The following LNX2 variants were observed in gnomAD, a reference collection of about 807,000 sequenced individuals.
LNX2 encodes the protein ligand of numb-protein X 2.
Under a neutral mutation model 66.2 loss-of-function variants are expected in LNX2, and 35 were observed. The ratio of observed to expected loss-of-function variants is 0.53; its 90% confidence interval spans 0.40 to 0.70. The LOEUF is 0.70. Among genes scored for constraint, LNX2 ranks in the 30% least tolerant of loss-of-function variants. The probability of loss-of-function intolerance (pLI) is 0.00; values close to 1 mark genes in which losing one functional copy is unlikely to be tolerated. For synonymous variants in LNX2, 337 were observed against 315.6 expected, an observed-to-expected ratio of 1.07 and a Z score of -0.72; for missense variants, 791 against 850.8, an observed-to-expected ratio of 0.93 and a Z score of 0.87.
chr13:27,562,180 C>T (rs1955143386), intron 5 of LNX2, among the ~76,000 whole-genome samples: 1 of 152,148 alleles, frequency 6.6e-6, no homozygotes, highest in Non-Finnish European at 1.5e-5. Flanking sequence ...AACAGTAGAG[C>T]CTACGCTCTG....
intron 8 of LNX2, among the ~76,000 whole-genome samples, chr13:27,550,883 G>A (rs1370994883): frequency 6.6e-6 from 1 of 152,186 alleles, no homozygotes; most frequent in Non-Finnish European, 1.5e-5. Context: ...TGGGATGAAA[G>A]AGGTCTAGTA....
intron 2 of LNX2, among the ~76,000 whole-genome samples, chr13:27,580,424 C>T (rs1955384133): frequency 6.6e-6 from 1 of 152,088 alleles, no homozygotes; most frequent in Admixed American, 6.5e-5. Context: ...CATTGTTTTT[C>T]ACAGCAATCG....
At chr13:27,579,907 T>C (rs111417080) in intron 2 of LNX2, among the ~76,000 whole-genome samples, 1 of 152,264 alleles carries the variant, frequency 6.6e-6, no homozygotes, top group African/African-American at 2.4e-5. Context: ...ACAGAAGATA[T>C]AAAAAAATGC....
At chr13:27,618,495 C>A (rs1025359932) in intron 1 of LNX2, among the ~76,000 whole-genome samples, 1 of 150,160 alleles carries the variant, frequency 6.7e-6, no homozygotes, top group Non-Finnish European at 1.5e-5. Flanking sequence ...GGAAGCCCAC[C>A]ATCCTCCAGA....
At chr13:27,617,401 T>C (rs1241743923) in intron 1 of LNX2, among the ~76,000 whole-genome samples, 1 of 152,228 alleles carries the variant, frequency 6.6e-6, no homozygotes, top group African/African-American at 2.4e-5. Flanking sequence ...AAGGTGGGCC[T>C]GTGAACTCTA....
At chr13:27,559,131 A>G (rs1192489171) in intron 6 of LNX2, among the ~76,000 whole-genome samples, 1 of 152,172 alleles carries the variant, frequency 6.6e-6, no homozygotes, top group African/African-American at 2.4e-5. Context: ...AATAATATCA[A>G]GAATGCTAAA....
intron 4 of LNX2, among the ~76,000 whole-genome samples, chr13:27,565,600 A>C (rs369409247): frequency 1.8e-4 from 27 of 152,338 alleles, no homozygotes; most frequent in African/African-American, 6.5e-4. Context: ...CATAAAATGC[A>C]GCTAGGATAA....
chr13:27,620,298 T>G (rs1455697355), intron 1 of LNX2, 77 bp downstream of exon 1: 1 of 152,016 alleles, frequency 6.6e-6, no homozygotes, highest in Non-Finnish European at 1.5e-5. Flanking sequence ...CACACCCAGC[T>G]GACGCCCGCA....
In LNX2 at chr13:27,583,216, G is replaced by T. The variant is rs1191001726; in HGVS notation, c.-100-1413C>A. On this transcript the variant is annotated intron_variant, in intron 1 of 9. Transcript: ENST00000316334. ...TGTGTGTGTGTGTGTGTGTGTGTGT[G>T]TGTGTGTGTGTGTGTGTGTGTGTGT... Among the ~76,000 whole-genome samples, 60 of 17,726 alleles carry T rather than the reference G, an allele frequency of 3.4e-3. 8 individuals carry two copies. The highest frequency in any genetic ancestry group is 0.022 in the African/African-American group (35 of 1,576). The allele number at this position is 17,726 out of a possible 152,430, so 11.6% of individuals were successfully genotyped here. A position where few individuals can be genotyped will look rare whatever the true frequency, so the allele number is the denominator to read the frequency against.
chr13:27,555,632 A>G lies in LNX2; in HGVS notation c.1546+604T>C, dbSNP rs186421880. On this transcript the variant is annotated intron_variant, in intron 7 of 9. Coordinates refer to ENST00000316334, the MANE Select transcript of LNX2 (RefSeq NM_153371.4). ...GCTCTTATATTTAGATCTTGCATCC[A>G]TTATGATTTAATTTGTGTTTATGGT... Among the ~76,000 whole-genome samples the G allele has an allele frequency of 3.3e-5, 5 of 152,366 alleles. No individual in the cohort carries two copies. The East Asian group carries it at 9.6e-4, about 29-fold the overall frequency.
rs773230569 is a variant in LNX2, at chr13:27,567,835, T to C, written c.660A>G (p.Thr220=). 87 of 1,613,762 alleles carry C rather than the reference T, an allele frequency of 5.4e-5. 1 individual carries two copies. In the South Asian group the frequency reaches 8.2e-4, roughly 15 times the overall value. Residue 220 remains threonine, a synonymous_variant, in exon 4 of 10, where the codon ACA becomes ACG. Transcript: ENST00000316334. ...CTTCTGGTAAACTAAGTGGCTGTTG[T>C]GTGGCTGCCAAGTTAAAAATGAGAC... ...AFEESAGADT[T]QQPLSLPEGE...
intron 4 of LNX2, among the ~76,000 whole-genome samples, chr13:27,566,138 G>A (rs1031023292): frequency 7.2e-5 from 11 of 152,174 alleles, no homozygotes; most frequent in Admixed American, 4.6e-4. Flanking sequence ...ACAATTCTCT[G>A]TAACTCATCA....
chr13:27,587,461 C>T (rs1291110846), intron 1 of LNX2, among the ~76,000 whole-genome samples: 2 of 152,178 alleles, frequency 1.3e-5, no homozygotes, highest in Non-Finnish European at 2.9e-5. Context: ...AGATTGTTCT[C>T]AGGCTCATAC....
chr13:27,603,786 T>C (rs1351029260), intron 1 of LNX2, among the ~76,000 whole-genome samples: 2 of 152,144 alleles, frequency 1.3e-5, no homozygotes, highest in Non-Finnish European at 2.9e-5. Flanking sequence ...GACTCCTTAA[T>C]GTCATTGTAG....
intron 2 of LNX2, among the ~76,000 whole-genome samples, chr13:27,572,805 GA>G (rs1593247244): frequency 6.6e-6 from 1 of 152,068 alleles, no homozygotes; most frequent in African/African-American, 2.4e-5. Flanking sequence ...TAGTGCAGTA[GA>G]AACAAAATAA....
chr13:27,579,281 A>G (rs1955373863), intron 2 of LNX2, among the ~76,000 whole-genome samples: 1 of 152,254 alleles, frequency 6.6e-6, no homozygotes, highest in African/African-American at 2.4e-5. Context: ...TTCAAATGGC[A>G]TATAAAAATC....
intron 7 of LNX2, 37 bp downstream of exon 7, chr13:27,556,199 A>T: frequency 6.3e-7 from 1 of 1,583,742 alleles, no homozygotes; most frequent in Non-Finnish European, 8.6e-7. Context: ...TAATTCAGAA[A>T]TAAGATGTGG....
chr13:27,580,934 T>C (rs1461290899), intron 2 of LNX2, among the ~76,000 whole-genome samples: 1 of 152,158 alleles, frequency 6.6e-6, no homozygotes, highest in Non-Finnish European at 1.5e-5. Flanking sequence ...CTTAGGATAA[T>C]AAACTAGATA....
At chr13:27,590,798 G>T (rs1175761016) in intron 1 of LNX2, among the ~76,000 whole-genome samples, 1 of 152,050 alleles carries the variant, frequency 6.6e-6, no homozygotes, top group Non-Finnish European at 1.5e-5. Context: ...TAATATCATG[G>T]TGATATTACT....
Sources: gnomAD v4.1 joint callset for allele counts (sites outside exome capture counted in the v4.1 genomes callset) on GRCh38, gnomAD v4.1.1 for gene constraint, MANE v1.5 for transcripts, NCBI Gene and HGNC (gene_info 2026-07-23, HGNC 2026-07-21) for gene names.